Variants in DEPTOR observed in about 807,000 individuals in gnomAD.
DEPTOR encodes the protein DEP domain-containing mTOR-interacting protein.
Under a neutral mutation model 41.6 loss-of-function variants are expected in DEPTOR, and 41 were observed. The ratio of observed to expected loss-of-function variants is 0.98; its 90% CI spans 0.77 to 1.28. The LOEUF (loss-of-function observed/expected upper bound fraction) is 1.28. Among genes scored for constraint, DEPTOR ranks in the 50% most tolerant of loss-of-function variants. The pLI is 0.00. For synonymous variants in DEPTOR, 195 were observed against 192.3 expected (o/e 1.01, Z -0.12); for missense variants, 514 against 527.9 (o/e 0.97, Z 0.26).
At chr8:120,041,111 A>C (rs745886168) in intron 8 of DEPTOR, among the ~76,000 whole-genome samples, 8 of 152,210 alleles carry the variant, frequency 5.3e-5, no homozygotes, top group Admixed American at 5.2e-4. Flanking sequence ...GATCAGAAAG[A>C]AAAAAACAAG....
intron 4 of DEPTOR, among the ~76,000 whole-genome samples, chr8:119,982,667 A>G (rs1179545142): frequency 6.6e-6 from 1 of 152,146 alleles, no homozygotes; most frequent in Non-Finnish European, 1.5e-5. Flanking sequence ...GACTCCCCAC[A>G]AAGGCGCTGT....
At chr8:119,942,148 C>T (rs956812738) in intron 3 of DEPTOR, among the ~76,000 whole-genome samples, 2 of 152,208 alleles carry the variant, frequency 1.3e-5, no homozygotes, top group Middle Eastern at 3.2e-3. Context: ...TTGTCATCTG[C>T]AGATTTCTAG....
rs573508031 is a variant in DEPTOR at position 119,929,124 on chromosome 8, G to A, written c.301+546G>A. Among the ~76,000 whole-genome samples, 26 of 152,170 alleles carry A rather than the reference G, an allele frequency of 1.7e-4. No individual in the cohort carries two copies. The South Asian group carries it at 5.4e-3, about 32-fold the overall frequency. On this transcript the variant is annotated intron_variant, in intron 2 of 8. Transcript: ENST00000286234. ...TATGCCACTATACATTTTTCAGTGG[G>A]CATTTACATGGTTTCCAAGTTTTTG...
intron 1 of DEPTOR, among the ~76,000 whole-genome samples, chr8:119,928,070 A>G (rs1208454319): frequency 6.6e-6 from 1 of 152,122 alleles, no homozygotes; most frequent in Non-Finnish European, 1.5e-5. Flanking sequence ...TTGCTGGTTG[A>G]AACAATAACC....
At chr8:120,030,509 T>TTTTTG (rs1812873881) in intron 8 of DEPTOR, among the ~76,000 whole-genome samples, 2 of 127,088 alleles carry the variant, frequency 1.6e-5, no homozygotes, top group South Asian at 3.3e-4. Context: ...TTTTTTTTTT[T>TTTTTG]TTTTTTTTTT....
chr8:119,976,474 C>A (rs1051591624), intron 4 of DEPTOR, among the ~76,000 whole-genome samples: 1 of 152,076 alleles, frequency 6.6e-6, no homozygotes, highest in African/African-American at 2.4e-5. Context: ...TTGCTGGGCA[C>A]AATACTGGTG....
intron 4 of DEPTOR, among the ~76,000 whole-genome samples, chr8:119,974,235 TAAAAAA>T (rs35885551): frequency 2.9e-4 from 22 of 74,910 alleles, no homozygotes; most frequent in East Asian, 1.9e-3. Context: ...CTTGTCTCTT[TAAAAAA>T]AAAAAAAAAA....
chr8:119,928,649 C>T lies in DEPTOR; in HGVS notation c.301+71C>T, dbSNP rs374784228. 679 of 1,489,536 alleles carry T rather than the reference C, an allele frequency of 4.6e-4. 1 individual carries two copies. Among genetic ancestry groups the T allele is most frequent in the South Asian group, 1.1e-3 (78 of 72,122 alleles). The allele number at this position is 1,489,536 out of a possible 1,614,324, so 92.3% of individuals were successfully genotyped here. On this transcript the variant is annotated intron_variant, in intron 2 of 8. Coordinates refer to ENST00000286234, the MANE Select transcript of DEPTOR (RefSeq NM_022783.4). ...CTAGATCTTTTCATGAACATACCCA[C>T]TTAAGAAAGAAAACATTTTGCTTTA...
intron 8 of DEPTOR, among the ~76,000 whole-genome samples, chr8:120,023,563 A>G (rs1812754455): frequency 6.6e-6 from 1 of 152,190 alleles, no homozygotes; most frequent in Non-Finnish European, 1.5e-5. Flanking sequence ...CTTGGGAAGT[A>G]AAGATAAACA....
intron 3 of DEPTOR, among the ~76,000 whole-genome samples, chr8:119,947,964 T>C (rs572744884): frequency 1.4e-4 from 21 of 152,256 alleles, no homozygotes; most frequent in African/African-American, 5.1e-4. Flanking sequence ...GACCTCTCAT[T>C]TGCACCATGC....
At chr8:119,974,776 A>C (rs1463631237) in intron 4 of DEPTOR, among the ~76,000 whole-genome samples, 1 of 152,064 alleles carries the variant, frequency 6.6e-6, no homozygotes, top group Non-Finnish European at 1.5e-5. Context: ...TGCCTCAAAA[A>C]AAAAAGGTGG....
At chr8:119,967,380 TGGA>T (rs1828576178) in intron 4 of DEPTOR, among the ~76,000 whole-genome samples, 1 of 151,800 alleles carries the variant, frequency 6.6e-6, no homozygotes, top group Non-Finnish European at 1.5e-5. Flanking sequence ...ATGCCCGGCT[TGGA>T]ATGGGAGTCT....
chr8:119,965,560 A>T lies in DEPTOR; in HGVS notation c.604+150A>T, dbSNP rs568904537. ...CAGCTTGTCTCCAAGTTGGGGGTCA[A>T]ATTCAGGTCTGTGCTCCACGCCTTT... On this transcript the variant is annotated intron_variant, in intron 4 of 8. Coordinates refer to ENST00000286234, the MANE Select transcript of DEPTOR (RefSeq NM_022783.4). The T allele has an allele frequency of 5.2e-5, 50 of 963,880 alleles. 1 individual carries two copies. The highest frequency in any genetic ancestry group is 3.6e-4 in the African/African-American group (22 of 60,836). 59.7% of individuals were successfully genotyped at this position (963,880 alleles called of 1,614,324 possible).
Position 120,001,695 on chromosome 8 carries a change from AC to A in DEPTOR, c.777del (p.Ser260AlafsTer5). The A allele has an allele frequency of 6.2e-7, 1 of 1,612,980 alleles. No individual in the cohort carries two copies. The highest frequency in any genetic ancestry group is 8.5e-7 in the Non-Finnish European group (1 of 1,179,474). Reference sequence around the variant, plus strand: ...GCAGAGCCATGACAATCGGAAATCTACCAGCTTTATGTCAGGTATGCCATCC... The same window carrying A: ...GCAGAGCCATGACAATCGGAAATCTACAGCTTTATGTCAGGTATGCCATCC... Reference protein sequence around the residue: ...RKQSHDNRKSTSFMSVSPSKE... With the variant: ...RKQSHDNRKSXSFMSVSPSKE... On this transcript the variant is annotated frameshift_variant, in exon 5 of 9. Transcript: ENST00000286234. LOFTEE classifies it high-confidence loss of function.
At chr8:119,964,678 A>AT (rs1828534346) in intron 3 of DEPTOR, among the ~76,000 whole-genome samples, 1 of 152,184 alleles carries the variant, frequency 6.6e-6, no homozygotes, top group African/African-American at 2.4e-5. Flanking sequence ...TCTTTTCAAG[A>AT]TTGCTAACTT....
chr8:119,896,687 G>A (rs1305250094), intron 1 of DEPTOR, among the ~76,000 whole-genome samples: 1 of 151,930 alleles, frequency 6.6e-6, no homozygotes, highest in Non-Finnish European at 1.5e-5. Context: ...TAGTAGAGAC[G>A]AGGTTTCATC....
rs574401243 is a variant in DEPTOR at position 120,039,990 on chromosome 8, C to T, written c.1102-9586C>T. On this transcript the variant is annotated intron_variant, in intron 8 of 8. Coordinates refer to ENST00000286234, the MANE Select transcript of DEPTOR (RefSeq NM_022783.4). Reference sequence around the variant, plus strand: ...TCCCAAGTAGCTGGGACTACAGGCACATGCCACCACGCCTGGCTAATTTTT... The same window carrying T: ...TCCCAAGTAGCTGGGACTACAGGCATATGCCACCACGCCTGGCTAATTTTT... 4.6e-5 allele frequency among the ~76,000 whole-genome samples: 7 copies of T among 152,118 alleles called. No individual in the cohort carries two copies. The East Asian group carries it at 1.4e-3, about 30-fold the overall frequency.
At chr8:119,966,188 G>A (rs868748713) in intron 4 of DEPTOR, among the ~76,000 whole-genome samples, 1 of 152,088 alleles carries the variant, frequency 6.6e-6, no homozygotes, top group Non-Finnish European at 1.5e-5. Context: ...TTCCAAGTCC[G>A]GCACGGTGGC....
At chr8:119,999,489 T>G (rs1340923479) in intron 4 of DEPTOR, among the ~76,000 whole-genome samples, 1 of 151,858 alleles carries the variant, frequency 6.6e-6, no homozygotes, top group Non-Finnish European at 1.5e-5. Context: ...CTGGGCACAG[T>G]GGTGTGTGCC....
Sources: allele counts gnomAD v4.1 joint callset (sites outside exome capture counted in the v4.1 genomes callset), GRCh38; gene constraint gnomAD v4.1.1; transcripts MANE v1.5; gene names NCBI Gene and HGNC (gene_info 2026-07-23, HGNC 2026-07-21).